Variants in RNLS observed in about 807,000 individuals in gnomAD.
RNLS encodes the protein renalase, FAD dependent amine oxidase, also known as renalase.
In RNLS, 39 loss-of-function variants were observed where a neutral mutation model predicts 39.8. The ratio of observed to expected loss-of-function variants is 0.98; its 90% confidence interval spans 0.76 to 1.28. The LOEUF is 1.28. RNLS is among the 50% of genes most tolerant of loss of function. The pLI is 0.00. For synonymous variants in RNLS, 147 were observed against 150.7 expected (o/e 0.98, Z 0.18); for missense variants, 410 against 413.3 (o/e 0.99, Z 0.07).
chr10:88,567,695 T>C (rs182141250), intron 4 of RNLS, among the ~76,000 whole-genome samples: 5 of 152,330 alleles, frequency 3.3e-5, no homozygotes, highest in South Asian at 2.1e-4. Context: ...ATTTCTTCTA[T>C]ATTATTATCA....
At chr10:88,240,397 C>CA in the RNLS span, among the ~76,000 whole-genome samples, 7 of 114,984 alleles carry the variant, frequency 6.1e-5, no homozygotes, top group African/African-American at 2.2e-4. Flanking sequence ...CAGGTGATGG[C>CA]AAAAAGTCCT....
the RNLS span, among the ~76,000 whole-genome samples, chr10:88,244,255 G>A: frequency 1.3e-5 from 2 of 152,140 alleles, no homozygotes; most frequent in Non-Finnish European, 2.9e-5. Context: ...TGCCCAGGGC[G>A]CTGCCCACTC....
At chr10:88,445,415 C>A (rs537226578) in intron 4 of RNLS, among the ~76,000 whole-genome samples, 9 of 152,246 alleles carry the variant, frequency 5.9e-5, no homozygotes, top group Non-Finnish European at 5.9e-5. Flanking sequence ...AAGTAACGAG[C>A]AAAATAACCA....
chr10:88,302,883 T>A (rs1330892204), intron 6 of RNLS, among the ~76,000 whole-genome samples: 1 of 152,112 alleles, frequency 6.6e-6, no homozygotes, highest in African/African-American at 2.4e-5. Flanking sequence ...GGAGGCAAGA[T>A]GGCTGACTAG....
chr10:88,237,838 A>T, the RNLS span, among the ~76,000 whole-genome samples: 2 of 152,346 alleles, frequency 1.3e-5, no homozygotes, highest in South Asian at 4.1e-4. Flanking sequence ...AAATAATAAA[A>T]CAGAATTCTG....
chr10:88,521,296 T>C (rs940220607), intron 4 of RNLS, among the ~76,000 whole-genome samples: 3 of 151,994 alleles, frequency 2.0e-5, no homozygotes, highest in African/African-American at 4.8e-5. Flanking sequence ...ACAGAATTGA[T>C]TGGATGATTG....
chr10:88,206,238 G>C, the RNLS span, among the ~76,000 whole-genome samples: 1 of 152,164 alleles, frequency 6.6e-6, no homozygotes, highest in Non-Finnish European at 1.5e-5. Flanking sequence ...CTGCATTTTA[G>C]TGGTGTCTGA....
chr10:88,241,629 A>G, the RNLS span, among the ~76,000 whole-genome samples: 1 of 152,260 alleles, frequency 6.6e-6, no homozygotes, highest in South Asian at 2.1e-4. Context: ...CATTCTTGAC[A>G]CCACCACAAG....
the RNLS span, among the ~76,000 whole-genome samples, chr10:88,264,570 A>G: frequency 6.6e-6 from 1 of 152,152 alleles, no homozygotes; most frequent in Non-Finnish European, 1.5e-5. Context: ...CCTGATCATT[A>G]GTGATGTTGT....
chr10:88,435,775 T>A (rs1855436783), intron 4 of RNLS, among the ~76,000 whole-genome samples: 1 of 152,060 alleles, frequency 6.6e-6, no homozygotes, highest in Non-Finnish European at 1.5e-5. Context: ...AGAGAAACCA[T>A]GTATGATCAC....
chr10:88,290,010 T>G (rs1008623445), intron 6 of RNLS, among the ~76,000 whole-genome samples: 1 of 152,174 alleles, frequency 6.6e-6, no homozygotes, highest in African/African-American at 2.4e-5. Flanking sequence ...TAATAGTTTC[T>G]TTGCATCATG....
intron 5 of RNLS, among the ~76,000 whole-genome samples, chr10:88,361,600 G>T (rs1474529730): frequency 3.3e-5 from 5 of 152,122 alleles, no homozygotes; most frequent in Admixed American, 2.0e-4. Flanking sequence ...AGCCCTAAGG[G>T]AGTTTTAAGT....
chr10:88,264,620 C>T, the RNLS span, among the ~76,000 whole-genome samples: 1 of 152,140 alleles, frequency 6.6e-6, no homozygotes, highest in South Asian at 2.1e-4. Flanking sequence ...GTTGGTTGCC[C>T]ATTTGTATAT....
At chr10:88,437,936 G>C (rs112713623) in intron 4 of RNLS, among the ~76,000 whole-genome samples, 25,044 of 151,974 alleles carry the variant, frequency 0.16, 2,736 homozygotes, top group Non-Finnish European at 0.25. Flanking sequence ...AGACCAGCCT[G>C]ACCAGCATGG....
chr10:88,342,261 A>G (rs1391001603), intron 5 of RNLS, among the ~76,000 whole-genome samples: 1 of 152,174 alleles, frequency 6.6e-6, no homozygotes, highest in Non-Finnish European at 1.5e-5. Flanking sequence ...GTCAGCCACA[A>G]GCGCCTTTGT....
At chr10:88,359,928 C>T (rs933729525) in intron 5 of RNLS, among the ~76,000 whole-genome samples, 7 of 152,144 alleles carry the variant, frequency 4.6e-5, no homozygotes, top group Admixed American at 2.0e-4. Flanking sequence ...TCACTGGGTC[C>T]TATAAATCCA....
downstream of RNLS, chr10:88,283,957 A>G: frequency 4.8e-6 from 1 of 207,800 alleles, no homozygotes; most frequent in Non-Finnish European, 8.4e-6. Context: ...CCCTACATTT[A>G]AAATTTAAAA....
intron 4 of RNLS, among the ~76,000 whole-genome samples, chr10:88,425,728 G>C (rs1045424195): frequency 2.6e-5 from 4 of 152,074 alleles, no homozygotes; most frequent in Admixed American, 6.6e-5. Flanking sequence ...AATTGGTTTA[G>C]ACATCAGCTG....
chr10:88,200,021 C>T, the RNLS span, among the ~76,000 whole-genome samples: 1 of 152,124 alleles, frequency 6.6e-6, no homozygotes, highest in Non-Finnish European at 1.5e-5. Flanking sequence ...CCCAGCTACC[C>T]AGGAGGCTGA....
Sources: allele counts gnomAD v4.1 joint callset (sites outside exome capture counted in the v4.1 genomes callset), GRCh38; gene constraint gnomAD v4.1.1; transcripts MANE v1.5; gene names NCBI Gene and HGNC (gene_info 2026-07-23, HGNC 2026-07-21).